The following ADGRB3 variants were observed in gnomAD, a reference collection of about 807,000 sequenced individuals.
ADGRB3 encodes the protein adhesion G protein-coupled receptor B3.
Under a neutral mutation model 193.4 loss-of-function variants are expected in ADGRB3, and 37 were observed. That is an observed-to-expected ratio of 0.19 (90% CI 0.15 to 0.25). The LOEUF is 0.25. Among genes scored for constraint, ADGRB3 ranks in the 10% least tolerant of loss-of-function variants. The pLI is 1.00. For synonymous variants in ADGRB3, 690 were observed against 644.2 expected, an observed-to-expected ratio of 1.07 and a Z score of -1.08; for missense variants, 1,637 against 1,852.9, an observed-to-expected ratio of 0.88 and a Z score of 2.14.
At chr6:68,691,200 T>C (rs981519806) in intron 3 of ADGRB3, among the ~76,000 whole-genome samples, 1 of 152,124 alleles carries the variant, frequency 6.6e-6, no homozygotes. Context: ...GAATGTACTT[T>C]ATAGAGTACA....
At chr6:68,730,623 T>G (rs1765755879) in intron 3 of ADGRB3, among the ~76,000 whole-genome samples, 1 of 151,808 alleles carries the variant, frequency 6.6e-6, no homozygotes, top group South Asian at 2.1e-4. Flanking sequence ...TACTTCTTGC[T>G]TTTTGGTCGT....
At chr6:68,844,173 T>C (rs529704521) in intron 3 of ADGRB3, among the ~76,000 whole-genome samples, 2 of 152,018 alleles carry the variant, frequency 1.3e-5, no homozygotes, top group Admixed American at 1.3e-4. Context: ...GGACAAATGG[T>C]ATTACATGAA....
intron 20 of ADGRB3, among the ~76,000 whole-genome samples, chr6:69,317,184 C>G (rs1239794256): frequency 2.0e-5 from 3 of 151,612 alleles, no homozygotes; most frequent in African/African-American, 7.2e-5. Flanking sequence ...TTATCACTCT[C>G]TCTGCATGGG....
At chr6:68,974,715 AT>A in intron 8 of ADGRB3, 47 bp from the exon 9 acceptor site, 3 of 1,553,718 alleles carry the variant, frequency 1.9e-6, no homozygotes, top group Non-Finnish European at 2.7e-6. Context: ...TATTGCCAAA[AT>A]TTTTTAAACA....
chr6:68,876,761 G>T (rs1025131420), intron 3 of ADGRB3, among the ~76,000 whole-genome samples: 1 of 152,082 alleles, frequency 6.6e-6, no homozygotes, highest in Non-Finnish European at 1.5e-5. Context: ...TTACATCCTA[G>T]TCAACTTGAT....
chr6:69,053,812 A>G (rs1771467068), intron 15 of ADGRB3, among the ~76,000 whole-genome samples: 1 of 152,238 alleles, frequency 6.6e-6, no homozygotes, highest in African/African-American at 2.4e-5. Flanking sequence ...GTGCTTTGTC[A>G]TTGATATAGC....
chr6:68,712,275 GA>G (rs1278474870), intron 3 of ADGRB3, among the ~76,000 whole-genome samples: 6 of 151,754 alleles, frequency 4.0e-5, no homozygotes, highest in African/African-American at 7.3e-5. Context: ...TTTGGTGACT[GA>G]AAAAAAGGCA....
chr6:68,944,517 A>G (rs1245798424), intron 6 of ADGRB3, among the ~76,000 whole-genome samples: 2 of 152,192 alleles, frequency 1.3e-5, no homozygotes, highest in Admixed American at 6.6e-5. Flanking sequence ...TATGAAGTCT[A>G]TACAGTCTGT....
chr6:69,368,417 T>C (rs1562001289), intron 29 of ADGRB3, among the ~76,000 whole-genome samples: 1 of 152,090 alleles, frequency 6.6e-6, no homozygotes, highest in Admixed American at 6.6e-5. Flanking sequence ...TGGCACATGC[T>C]GGTGGATTGA....
intron 3 of ADGRB3, among the ~76,000 whole-genome samples, chr6:68,664,099 CT>C (rs1396838600): frequency 3.3e-5 from 5 of 151,648 alleles, no homozygotes; most frequent in Non-Finnish European, 7.4e-5. Context: ...GATAAGTGTT[CT>C]CATTTGTCTT....
At chr6:68,892,627 C>T (rs968023224) in intron 3 of ADGRB3, among the ~76,000 whole-genome samples, 1 of 152,092 alleles carries the variant, frequency 6.6e-6, no homozygotes, top group Non-Finnish European at 1.5e-5. Context: ...CTTAACATTT[C>T]TCATACCTCT....
intron 20 of ADGRB3, among the ~76,000 whole-genome samples, chr6:69,310,554 A>G (rs1306940032): frequency 6.6e-6 from 1 of 151,764 alleles, no homozygotes; most frequent in African/African-American, 2.4e-5. Flanking sequence ...TTAAACATAT[A>G]AAACATAACA....
chr6:68,993,864 T>A lies in ADGRB3; in HGVS notation c.1831T>A (p.Phe611Ile). 1.2e-6 allele frequency: 2 copies of A among 1,613,944 alleles called. No homozygotes were observed. Among genetic ancestry groups the A allele is most frequent in the Non-Finnish European group, 1.7e-6 (2 of 1,179,888 alleles). Residue 611 changes from phenylalanine to isoleucine, a missense_variant, in exon 11 of 32, where the codon TTC becomes ATC. Physicochemically the swap from Phe to Ile is conservative, Grantham distance 21. Coordinates refer to ENST00000370598, the MANE Select transcript of ADGRB3 (RefSeq NM_001704.3). ...TLLDLTQRKN[F>I]YAGDLLMSVE... is the part of the protein sequence containing the mutation. ...GTTGGATTTAACTCAGAGAAAAAAT[T>A]TCTATGCAGGCGATCTTCTGATGTC...
chr6:69,115,678 C>T (rs1261520248), intron 17 of ADGRB3, among the ~76,000 whole-genome samples: 1 of 152,024 alleles, frequency 6.6e-6, no homozygotes, highest in East Asian at 1.9e-4. Context: ...CATATACAGC[C>T]TTTGTGGCAG....
chr6:69,006,499 GTCTTTTTTTTTT>G (rs997063788), intron 11 of ADGRB3, among the ~76,000 whole-genome samples: 1 of 151,016 alleles, frequency 6.6e-6, no homozygotes, highest in African/African-American at 2.4e-5. Flanking sequence ...GCAGTGGAGA[GTCTTTTTTTTTT>G]TCTTTTTTTT....
chr6:69,247,217 G>A (rs1201169131), intron 20 of ADGRB3, among the ~76,000 whole-genome samples: 1 of 152,116 alleles, frequency 6.6e-6, no homozygotes, highest in East Asian at 1.9e-4. Context: ...GGTCTGTAGG[G>A]CTTATGAGAT....
At position 69,027,379 on chromosome 6, in the gene ADGRB3, A is replaced by G. The variant is rs141192549; in HGVS notation, c.2107+8880A>G. ...CATGGAGCTGGCATCTCCTATGATA[A>G]CACTATTTTCTTCCAGAATACCTCC... On this transcript the variant is annotated intron_variant, in intron 13 of 31. Transcript: ENST00000370598. Among the ~76,000 whole-genome samples the G allele has an allele frequency of 3.7e-3, 565 of 152,260 alleles. 2 individuals carry two copies. The highest frequency in any genetic ancestry group is 6.3e-3 in the Non-Finnish European group (426 of 68,012).
chr6:68,923,352 T>G (rs1331995200), intron 3 of ADGRB3, among the ~76,000 whole-genome samples: 2 of 152,042 alleles, frequency 1.3e-5, no homozygotes, highest in Non-Finnish European at 2.9e-5. Context: ...CTTGAGATCT[T>G]TCAACTCAAT....
intron 25 of ADGRB3, 67 bp downstream of exon 25, chr6:69,339,081 A>G: frequency 6.5e-7 from 1 of 1,540,156 alleles, no homozygotes; most frequent in East Asian, 2.3e-5. Context: ...AAATGCTATG[A>G]TGAAAAAAAA....
Sources: gnomAD v4.1 joint callset for allele counts (sites outside exome capture counted in the v4.1 genomes callset) on GRCh38, gnomAD v4.1.1 for gene constraint, MANE v1.5 for transcripts, NCBI Gene and HGNC (gene_info 2026-07-23, HGNC 2026-07-21) for gene names.